The following PPP2R2B variants were observed in gnomAD, a reference collection of about 807,000 sequenced individuals.
PPP2R2B encodes the protein serine/threonine-protein phosphatase 2A 55 kDa regulatory subunit B beta isoform.
In PPP2R2B, 5 loss-of-function variants were observed where a neutral mutation model predicts 46.0. The ratio of observed to expected loss-of-function variants is 0.11; its 90% CI spans 0.06 to 0.23. The LOEUF (loss-of-function observed/expected upper bound fraction) is 0.23. PPP2R2B is among the 10% of genes least tolerant of loss of function. The pLI, the probability that PPP2R2B is intolerant of heterozygous loss-of-function variation, is 1.00. For missense variants in PPP2R2B, 367 were observed against 575.0 expected, an observed-to-expected ratio of 0.64 and a Z score of 3.70; for synonymous variants, 215 against 206.7, an observed-to-expected ratio of 1.04 and a Z score of -0.34.
chr5:146,885,981 A>T lies in PPP2R2B; in HGVS notation c.79+169684T>A, dbSNP rs536568571. ...GCCAGGGACTGAGGATAAAAAAAAAAGGGGTGGGAATGACTGCTAAAGGGT... is the reference window on the plus strand; with the variant it reads ...GCCAGGGACTGAGGATAAAAAAAAATGGGGTGGGAATGACTGCTAAAGGGT... On this transcript the variant is annotated intron_variant, in intron 1 of 8. Transcript: ENST00000336640. 7.9e-5 allele frequency among the ~76,000 whole-genome samples: 12 copies of T among 151,870 alleles called. No homozygotes were observed. In the East Asian group the frequency reaches 2.3e-3, roughly 29 times the overall value.
chr5:146,904,354 C>T (rs1762932935), intron 1 of PPP2R2B, among the ~76,000 whole-genome samples: 1 of 152,048 alleles, frequency 6.6e-6, no homozygotes, highest in Admixed American at 6.6e-5. Flanking sequence ...TAAAAGGAGA[C>T]CAAAGTTTGA....
intron 2 of PPP2R2B, among the ~76,000 whole-genome samples, chr5:146,736,940 T>C (rs975244759): frequency 6.6e-6 from 1 of 152,274 alleles, no homozygotes; most frequent in Non-Finnish European, 1.5e-5. Context: ...TTTAATTTTC[T>C]AATGGTAACA....
rs192921682 is a variant in PPP2R2B, at chr5:147,043,538, T to C, written c.79+12127A>G. Among the ~76,000 whole-genome samples, 416 of 152,254 alleles carry C rather than the reference T, an allele frequency of 2.7e-3. 2 individuals are homozygous for C. Among genetic ancestry groups the C allele is most frequent in the Non-Finnish European group, 5.0e-3 (342 of 68,008 alleles). On this transcript the variant is annotated intron_variant, in intron 1 of 8. Transcript: ENST00000336640. Reference sequence around the variant, plus strand: ...CCAGAACTGTGAGAAAATAAACTACTGTTGTTTAAGCCACCCAGACTCGGG... The same window carrying C: ...CCAGAACTGTGAGAAAATAAACTACCGTTGTTTAAGCCACCCAGACTCGGG...
chr5:146,671,938 A>G (rs567709769), intron 5 of PPP2R2B, among the ~76,000 whole-genome samples: 1 of 152,290 alleles, frequency 6.6e-6, no homozygotes, highest in Admixed American at 6.5e-5. Flanking sequence ...TTGGACTAAG[A>G]ATTAAGTTAA....
chr5:146,984,775 G>A (rs978538854), intron 1 of PPP2R2B, among the ~76,000 whole-genome samples: 2 of 151,922 alleles, frequency 1.3e-5, no homozygotes, highest in African/African-American at 4.8e-5. Flanking sequence ...TCTGACAGGT[G>A]TGAGAGGATA....
rs182538349 is a variant in PPP2R2B, at chr5:147,052,246, C to G, written c.79+3419G>C. 3.8e-3 allele frequency among the ~76,000 whole-genome samples: 571 copies of G among 152,262 alleles called. 6 individuals carry two copies. Among genetic ancestry groups the G allele is most frequent in the African/African-American group, 0.013 (540 of 41,538 alleles). On this transcript the variant is annotated intron_variant, in intron 1 of 8. Coordinates refer to the PPP2R2B transcript ENST00000336640. Reference sequence around the variant, plus strand: ...ATTTTCATGCATGTAGGAGTGAATGCTTTTCAGAATATTTTTCACATATGG... The same window carrying G: ...ATTTTCATGCATGTAGGAGTGAATGGTTTTCAGAATATTTTTCACATATGG...
intron 1 of PPP2R2B, among the ~76,000 whole-genome samples, chr5:147,047,139 G>T (rs1756581770): frequency 6.6e-6 from 1 of 151,984 alleles, no homozygotes; most frequent in Non-Finnish European, 1.5e-5. Flanking sequence ...TCACCATGTT[G>T]TATCAAAACA....
chr5:147,080,665 C>T (rs1432724773), intron 2 of PPP2R2B, among the ~76,000 whole-genome samples: 1 of 152,150 alleles, frequency 6.6e-6, no homozygotes, highest in Non-Finnish European at 1.5e-5. Context: ...TTGACTTCTT[C>T]AGTCTCCCTC....
chr5:146,869,984 T>C (rs2151407692), intron 2 of PPP2R2B, among the ~76,000 whole-genome samples: 1 of 152,272 alleles, frequency 6.6e-6, no homozygotes, highest in East Asian at 1.9e-4. Context: ...GTTCTATCTT[T>C]CAGACCACCT....
At chr5:146,750,279 G>C (rs897167644) in intron 2 of PPP2R2B, among the ~76,000 whole-genome samples, 1 of 151,916 alleles carries the variant, frequency 6.6e-6, no homozygotes, top group African/African-American at 2.4e-5. Context: ...AGCTATTTTG[G>C]TTCCTTTGGT....
At chr5:146,986,775 AT>A (rs1349337952) in intron 1 of PPP2R2B, among the ~76,000 whole-genome samples, 2 of 152,226 alleles carry the variant, frequency 1.3e-5, no homozygotes, top group Non-Finnish European at 2.9e-5. Context: ...ATAAGATAGT[AT>A]CAAAATAGCA....
chr5:147,063,176 C>T (rs917146457), intron 2 of PPP2R2B, among the ~76,000 whole-genome samples: 8 of 151,920 alleles, frequency 5.3e-5, no homozygotes. Flanking sequence ...TAGTAGAAAA[C>T]TCTCACACCT....
At position 146,944,949 on chromosome 5, in the gene PPP2R2B, C is replaced by T. The variant is rs76795468; in HGVS notation, c.79+110716G>A. On this transcript the variant is annotated intron_variant, in intron 1 of 8. Coordinates refer to the PPP2R2B transcript ENST00000336640. ...CTTCTGTTATTTAACCAAAGATGCC[C>T]TCTTGTAACTTACTGTGTTGACTCT... is the stretch of plus-strand genomic sequence containing the variant. Among the ~76,000 whole-genome samples, 1,293 of 152,186 alleles carry T rather than the reference C, an allele frequency of 8.5e-3. 24 individuals carry two copies. Among genetic ancestry groups the T allele is most frequent in the African/African-American group, 0.029 (1,219 of 41,526 alleles).
chr5:147,014,339 G>C (rs1754891000), intron 1 of PPP2R2B, among the ~76,000 whole-genome samples: 1 of 149,382 alleles, frequency 6.7e-6, no homozygotes, highest in African/African-American at 2.5e-5. Context: ...GTTTCCTCAG[G>C]GATCTAGAAC....
chr5:146,598,995 AAAATGTAAGTCAAATCCTT>A (rs2151014330), intron 8 of PPP2R2B, among the ~76,000 whole-genome samples: 1 of 152,300 alleles, frequency 6.6e-6, no homozygotes, highest in South Asian at 2.1e-4. Flanking sequence ...TCTCAAGGAA[AAAATGTAAGTCAAATCCTT>A]CTGTCTAGAA....
At chr5:146,692,470 G>C (rs1172338630) in intron 4 of PPP2R2B, among the ~76,000 whole-genome samples, 1 of 151,714 alleles carries the variant, frequency 6.6e-6, no homozygotes. Flanking sequence ...TGAGTAAAAA[G>C]GGCTAAAGGA....
intron 1 of PPP2R2B, among the ~76,000 whole-genome samples, chr5:146,980,791 C>G (rs1328025288): frequency 3.3e-5 from 5 of 152,118 alleles, no homozygotes; most frequent in African/African-American, 1.2e-4. Context: ...ATTGCTTTCT[C>G]TAATGTGTAG....
At chr5:146,789,521 T>C (rs1268151659) in intron 2 of PPP2R2B, among the ~76,000 whole-genome samples, 1 of 152,058 alleles carries the variant, frequency 6.6e-6, no homozygotes, top group Non-Finnish European at 1.5e-5. Context: ...TGAAAATCAC[T>C]CAAAGGTACT....
chr5:146,860,188 C>T lies in PPP2R2B; in HGVS notation c.70+17814G>A, dbSNP rs556975739. On this transcript the variant is annotated intron_variant, in intron 2 of 9. Coordinates refer to ENST00000394411, the MANE Select transcript of PPP2R2B (RefSeq NM_181675.4). ...CTCATCTTAAAACGTTTTACAGGTC[C>T]ACACAAACAGGTAAAACAAAAGCCA... Among the ~76,000 whole-genome samples, 4 of 152,246 alleles carry T rather than the reference C, an allele frequency of 2.6e-5. No individual in the cohort carries two copies. In the South Asian group the frequency reaches 8.3e-4, roughly 32 times the overall value.
Sources: gnomAD v4.1 joint callset for allele counts (sites outside exome capture counted in the v4.1 genomes callset) on GRCh38, gnomAD v4.1.1 for gene constraint, MANE v1.5 for transcripts, NCBI Gene and HGNC (gene_info 2026-07-23, HGNC 2026-07-21) for gene names.